Variants in ZMYND11 observed in about 807,000 individuals in gnomAD.
ZMYND11 encodes the protein zinc finger MYND-type containing 11.
Under a neutral mutation model 84.9 loss-of-function variants are expected in ZMYND11, and 9 were observed. The observed-to-expected ratio is 0.11, with a 90% CI of 0.06 to 0.18. The LOEUF (loss-of-function observed/expected upper bound fraction) is 0.18, where lower values mean the gene tolerates loss of function less well. ZMYND11 is among the 10% of genes least tolerant of loss of function. The pLI is 1.00. For missense variants in ZMYND11, 409 were observed against 761.0 expected (o/e 0.54, Z 5.44); for synonymous variants, 250 against 244.1 (o/e 1.02, Z -0.23).
At chr10:219,187 G>T (rs1165305077) in intron 3 of ZMYND11, among the ~76,000 whole-genome samples, 1 of 152,154 alleles carries the variant, frequency 6.6e-6, no homozygotes, top group East Asian at 1.9e-4. Context: ...CATTTAATGG[G>T]TGGATGGGGA....
At chr10:149,318 A>AT (rs1839741431) in intron 1 of ZMYND11, among the ~76,000 whole-genome samples, 1 of 119,406 alleles carries the variant, frequency 8.4e-6, no homozygotes, top group East Asian at 2.2e-4. Flanking sequence ...TATTATTATT[A>AT]TTATTATTTT....
intron 2 of ZMYND11, among the ~76,000 whole-genome samples, chr10:195,544 A>C (rs1227645451): frequency 6.6e-6 from 1 of 152,228 alleles, no homozygotes; most frequent in Admixed American, 6.5e-5. Flanking sequence ...CAGATACATA[A>C]TATTAAGAAA....
intron 1 of ZMYND11, chr10:148,816 C>T (rs1426020107): frequency 6.6e-6 from 1 of 152,236 alleles, no homozygotes; most frequent in Non-Finnish European, 1.5e-5. Context: ...ATTGATTTTC[C>T]ACTGCTGTCA....
intron 4 of ZMYND11, among the ~76,000 whole-genome samples, chr10:235,687 G>A (rs1030992803): frequency 1.3e-5 from 2 of 152,194 alleles, no homozygotes; most frequent in East Asian, 1.9e-4. Context: ...TGGCGTAAAC[G>A]GAGCAGCTGT....
chr10:220,059 C>G (rs550004450), intron 3 of ZMYND11, among the ~76,000 whole-genome samples: 1 of 152,188 alleles, frequency 6.6e-6, no homozygotes, highest in Non-Finnish European at 1.5e-5. Context: ...CATGTTTGAA[C>G]CTAGTTTCCA....
chr10:226,920 T>C (rs1348834306), intron 4 of ZMYND11, among the ~76,000 whole-genome samples: 4 of 152,192 alleles, frequency 2.6e-5, no homozygotes, highest in Admixed American at 2.6e-4. Flanking sequence ...AGGTGACATA[T>C]TATTCCAGTA....
intron 4 of ZMYND11, among the ~76,000 whole-genome samples, chr10:233,886 T>C (rs1383322123): frequency 6.6e-6 from 1 of 152,240 alleles, no homozygotes; most frequent in Non-Finnish European, 1.5e-5. Flanking sequence ...TGACACCAAA[T>C]TAGCAGTTCA....
intron 4 of ZMYND11, among the ~76,000 whole-genome samples, chr10:231,946 T>C (rs1949078995): frequency 6.6e-6 from 1 of 152,206 alleles, no homozygotes; most frequent in Non-Finnish European, 1.5e-5. Context: ...CACTCCCGTA[T>C]GCCACCAGGT....
intron 9 of ZMYND11, 51 bp from the exon 10 acceptor site, chr10:241,970 G>C (rs745722871): frequency 4.4e-6 from 7 of 1,583,600 alleles, no homozygotes; most frequent in Non-Finnish European, 6.1e-6. Context: ...TGGTACACTT[G>C]CATTTAATAC....
At chr10:195,617 C>T (rs971319829) in intron 2 of ZMYND11, among the ~76,000 whole-genome samples, 5 of 152,096 alleles carry the variant, frequency 3.3e-5, no homozygotes, top group African/African-American at 1.2e-4. Context: ...CAAAAACAGA[C>T]AACACTGCAC....
At chr10:180,716 A>T (rs574110444) in intron 2 of ZMYND11, among the ~76,000 whole-genome samples, 1 of 152,218 alleles carries the variant, frequency 6.6e-6, no homozygotes, top group South Asian at 2.1e-4. Context: ...TCTTTTATTA[A>T]AAACACCTTT....
intron 2 of ZMYND11, among the ~76,000 whole-genome samples, chr10:188,179 A>G (rs541904909): frequency 6.6e-6 from 1 of 152,270 alleles, no homozygotes; most frequent in East Asian, 1.9e-4. Context: ...AAATATTTTT[A>G]TGCTTAAGAT....
At position 209,959 on chromosome 10, in the gene ZMYND11, G is replaced by GA; in HGVS notation, c.187_188insA (p.Gly63GlufsTer19). The GA allele has an allele frequency of 6.2e-7, 1 of 1,614,048 alleles. No homozygotes were observed. Among genetic ancestry groups the GA allele is most frequent in the Non-Finnish European group, 8.5e-7 (1 of 1,179,974 alleles). ...TCAGCTGAGCTTAGCTGTGAAAGAT[G>GA]GTCTTATTGTCGAAACTCTAACAGT... On this transcript the variant is annotated frameshift_variant, in exon 3 of 15. Transcript: ENST00000381604. LOFTEE classifies it high-confidence loss of function.
intron 3 of ZMYND11, among the ~76,000 whole-genome samples, chr10:220,207 G>T (rs1432730413): frequency 1.3e-5 from 2 of 152,088 alleles, no homozygotes; most frequent in African/African-American, 4.8e-5. Context: ...ATTGATGGTG[G>T]AACCCAAATT....
At chr10:237,553 A>G in intron 5 of ZMYND11, 32 bp from the exon 6 acceptor site, 1 of 1,384,996 alleles carries the variant, frequency 7.2e-7, no homozygotes, top group Non-Finnish European at 1.0e-6. Flanking sequence ...TCCTTTAACC[A>G]CATTTAAATT....
At chr10:218,061 G>A (rs1398050932) in intron 3 of ZMYND11, among the ~76,000 whole-genome samples, 1 of 152,176 alleles carries the variant, frequency 6.6e-6, no homozygotes, top group African/African-American at 2.4e-5. Flanking sequence ...GTGTGAACCA[G>A]TTTTAAATTA....
At chr10:176,758 C>G (rs781806480) in intron 1 of ZMYND11, among the ~76,000 whole-genome samples, 1 of 152,036 alleles carries the variant, frequency 6.6e-6, no homozygotes, top group Non-Finnish European at 1.5e-5. Context: ...GGGAAAATTG[C>G]ATTAAAGTAG....
intron 14 of ZMYND11, among the ~76,000 whole-genome samples, chr10:251,507 C>T (rs1953491749): frequency 6.6e-6 from 1 of 152,174 alleles, no homozygotes; most frequent in Non-Finnish European, 1.5e-5. Flanking sequence ...CAACAGCCGT[C>T]AGATCTGCAT....
At chr10:215,806 C>T (rs1404575938) in intron 3 of ZMYND11, among the ~76,000 whole-genome samples, 1 of 152,082 alleles carries the variant, frequency 6.6e-6, no homozygotes, top group Non-Finnish European at 1.5e-5. Context: ...GATCCTCCTG[C>T]CTCAGTGACC....
Sources: allele counts gnomAD v4.1 joint callset (sites outside exome capture counted in the v4.1 genomes callset), GRCh38; gene constraint gnomAD v4.1.1; transcripts MANE v1.5; gene names NCBI Gene and HGNC (gene_info 2026-07-23, HGNC 2026-07-21).